The following CTNNA3 variants were observed in gnomAD, a reference collection of about 807,000 sequenced individuals.
The protein encoded by CTNNA3 is catenin alpha 3.
In CTNNA3, 76 loss-of-function variants were observed where a neutral mutation model predicts 95.7. The observed-to-expected ratio is 0.79, with a 90% confidence interval of 0.66 to 0.96. The LOEUF (loss-of-function observed/expected upper bound fraction) is 0.96. Among genes scored for constraint, CTNNA3 ranks in the 40% least tolerant of loss-of-function variants. The pLI is 0.00. For synonymous variants in CTNNA3, 431 were observed against 374.4 expected, an observed-to-expected ratio of 1.15 and a Z score of -1.74; for missense variants, 1,191 against 1,089.8, an observed-to-expected ratio of 1.09 and a Z score of -1.31.
upstream of CTNNA3, among the ~76,000 whole-genome samples, chr10:67,698,361 T>C (rs559062660): frequency 3.4e-3 from 516 of 152,312 alleles, 3 homozygotes; most frequent in African/African-American, 0.012. Context: ...AACAAAGTCA[T>C]TCAATTGGAT....
rs146939672 is a variant in CTNNA3, at chr10:66,249,423, T to C, written c.1884+31047A>G. Reference sequence around the variant, plus strand: ...TATATAAGTAGCTCAAACAACTCTATAGGAAAAAATCTAATCATCTGATCA... The same window carrying C: ...TATATAAGTAGCTCAAACAACTCTACAGGAAAAAATCTAATCATCTGATCA... On this transcript the variant is annotated intron_variant, in intron 13 of 17. Transcript: ENST00000433211. Among the ~76,000 whole-genome samples the C allele has an allele frequency of 3.3e-3, 507 of 152,142 alleles. 8 individuals are homozygous for C. The highest frequency in any genetic ancestry group is 0.02 in the East Asian group (105 of 5,168).
At chr10:66,047,910 A>C (rs535701528) in intron 15 of CTNNA3, among the ~76,000 whole-genome samples, 57 of 152,310 alleles carry the variant, frequency 3.7e-4, no homozygotes, top group African/African-American at 1.3e-3. Context: ...CTAGGAATAC[A>C]GCTAACCAGG....
intron 11 of CTNNA3, among the ~76,000 whole-genome samples, chr10:66,456,151 TC>T (rs1290251118): frequency 1.3e-5 from 2 of 152,008 alleles, no homozygotes; most frequent in Non-Finnish European, 2.9e-5. Context: ...CCAAACAAAA[TC>T]CCAGCAGAAC....
At chr10:66,028,746 T>A (rs950025989) in intron 15 of CTNNA3, among the ~76,000 whole-genome samples, 4 of 151,312 alleles carry the variant, frequency 2.6e-5, no homozygotes, top group Non-Finnish European at 2.9e-5. Context: ...AAGTATAATT[T>A]AAAAAAAAGG....
At chr10:67,194,221 G>A (rs777053714) in intron 6 of CTNNA3, among the ~76,000 whole-genome samples, 2 of 151,920 alleles carry the variant, frequency 1.3e-5, no homozygotes, top group Non-Finnish European at 2.9e-5. Flanking sequence ...CTTGGTATTT[G>A]CCCAAAGTAG....
rs536075940 is a variant in CTNNA3 at position 65,917,936 on chromosome 10, C to G, written c.*2394G>C. 2.0e-5 allele frequency: 3 copies of G among 152,324 alleles called. No individual in the cohort carries two copies. The East Asian group carries it at 5.8e-4, about 29-fold the overall frequency. 9.4% of individuals were successfully genotyped at this position (152,324 alleles called of 1,614,324 possible). A position where few individuals can be genotyped will look rare whatever the true frequency, so the allele number is the denominator to read the frequency against. On this transcript the variant is annotated 3_prime_UTR_variant, in exon 18 of 18. Transcript: ENST00000433211. ...TACTACAGGAATTCACTCAGGTGGA[C>G]AGATGCCTTTTTCAGCTCTATGCAT...
At chr10:65,924,025 C>A (rs1299853357) in intron 17 of CTNNA3, among the ~76,000 whole-genome samples, 3 of 152,096 alleles carry the variant, frequency 2.0e-5, no homozygotes, top group Non-Finnish European at 4.4e-5. Flanking sequence ...ATTCCTTTTA[C>A]TTTTATTTAA....
chr10:66,649,620 G>A (rs1373839084), intron 9 of CTNNA3, among the ~76,000 whole-genome samples: 1 of 152,140 alleles, frequency 6.6e-6, no homozygotes. Context: ...GCTGATACCT[G>A]CAGACTAAGC....
intron 5 of CTNNA3, among the ~76,000 whole-genome samples, chr10:67,503,267 C>A (rs1259526191): frequency 6.6e-6 from 1 of 152,182 alleles, no homozygotes; most frequent in African/African-American, 2.4e-5. Flanking sequence ...AATGCCCCAC[C>A]CTGCTTTGGC....
chr10:66,882,736 A>G (rs1282928964), intron 7 of CTNNA3, among the ~76,000 whole-genome samples: 1 of 152,166 alleles, frequency 6.6e-6, no homozygotes, highest in Non-Finnish European at 1.5e-5. Flanking sequence ...GAAGCTACAG[A>G]ACAAATGAGT....
intron 7 of CTNNA3, among the ~76,000 whole-genome samples, chr10:66,786,814 G>A (rs991553059): frequency 2.0e-5 from 3 of 152,228 alleles, no homozygotes; most frequent in Non-Finnish European, 4.4e-5. Context: ...GAAATATGTA[G>A]AATATTGACC....
intron 7 of CTNNA3, among the ~76,000 whole-genome samples, chr10:67,073,894 G>C (rs1055981327): frequency 2.6e-5 from 4 of 152,094 alleles, no homozygotes; most frequent in African/African-American, 9.7e-5. Flanking sequence ...AGTTAACTTG[G>C]AAAATGTTAA....
chr10:67,588,556 G>A (rs1191688175), intron 3 of CTNNA3, among the ~76,000 whole-genome samples: 1 of 151,990 alleles, frequency 6.6e-6, no homozygotes, highest in East Asian at 1.9e-4. Context: ...TTGGCAGATG[G>A]ACCTGTCGTC....
intron 13 of CTNNA3, among the ~76,000 whole-genome samples, chr10:66,230,108 A>C (rs1204112918): frequency 2.6e-5 from 4 of 152,044 alleles, no homozygotes; most frequent in African/African-American, 7.2e-5. Flanking sequence ...CTCTTTGCTA[A>C]ATGTCTCTTT....
intron 5 of CTNNA3, among the ~76,000 whole-genome samples, chr10:67,475,469 C>CA (rs1223682107): frequency 6.6e-6 from 1 of 152,086 alleles, no homozygotes; most frequent in East Asian, 1.9e-4. Context: ...CTTCCTCCTT[C>CA]AAAAAACACA....
chr10:66,397,100 A>G (rs1331771392), intron 11 of CTNNA3, among the ~76,000 whole-genome samples: 1 of 151,702 alleles, frequency 6.6e-6, no homozygotes. Flanking sequence ...TAAGAAAAAT[A>G]TATGGAAGGA....
At chr10:66,879,634 T>C (rs75616568) in intron 7 of CTNNA3, among the ~76,000 whole-genome samples, 62 of 152,106 alleles carry the variant, frequency 4.1e-4, no homozygotes, top group Non-Finnish European at 7.6e-4. Context: ...TAAGTAATGA[T>C]AAGAGTCAGG....
intron 5 of CTNNA3, among the ~76,000 whole-genome samples, chr10:67,233,544 C>T (rs1469764906): frequency 2.3e-4 from 29 of 127,590 alleles, no homozygotes; most frequent in Non-Finnish European, 2.7e-4. Flanking sequence ...CACTAAATGC[C>T]CACAAGAGAA....
intron 11 of CTNNA3, among the ~76,000 whole-genome samples, chr10:66,431,783 A>T (rs2093298632): frequency 1.3e-5 from 2 of 149,972 alleles, no homozygotes; most frequent in South Asian, 2.2e-4. Flanking sequence ...GCATTAGGAG[A>T]TACACCTAAT....
Sources: allele counts gnomAD v4.1 joint callset (sites outside exome capture counted in the v4.1 genomes callset), GRCh38; gene constraint gnomAD v4.1.1; transcripts MANE v1.5; gene names NCBI Gene and HGNC (gene_info 2026-07-23, HGNC 2026-07-21).